ZBTB7A: variants seen among roughly 807,000 people sequenced by gnomAD.
ZBTB7A encodes the protein zinc finger and BTB domain containing 7A, also known as zinc finger and BTB domain-containing protein 7A.
ZBTB7A carries 7 observed loss-of-function variants against 26.7 expected under a neutral mutation model. The ratio of observed to expected loss-of-function variants is 0.26; its 90% CI spans 0.15 to 0.49. ZBTB7A has a LOEUF of 0.49. Among genes scored for constraint, ZBTB7A ranks in the 20% least tolerant of loss-of-function variants. The pLI is 0.98. For synonymous variants in ZBTB7A, 452 were observed against 441.0 expected, an observed-to-expected ratio of 1.02 and a Z score of -0.31; for missense variants, 617 against 919.5, an observed-to-expected ratio of 0.67 and a Z score of 4.25.
chr19:4,051,072 TGGGCGACAGA>T (rs2040499529), intron 2 of ZBTB7A, among the ~76,000 whole-genome samples: 1 of 114,652 alleles, frequency 8.7e-6, no homozygotes, highest in Admixed American at 1.3e-4. Context: ...CACTCCAGCC[TGGGCGACAGA>T]GCAAGACTCG....
intron 1 of ZBTB7A, among the ~76,000 whole-genome samples, chr19:4,065,112 C>G (rs976954023): frequency 1.3e-5 from 2 of 151,774 alleles, no homozygotes; most frequent in African/African-American, 4.8e-5. Context: ...CAGCTCCCCC[C>G]TCCCCTGCCC....
rs1010420730 is a variant in ZBTB7A, at chr19:4,047,598, G to A, written c.*154C>T. On this transcript the variant is annotated 3_prime_UTR_variant, in exon 3 of 3. Transcript: ENST00000322357. The stretch of plus-strand genomic sequence containing the variant: ...AGCGCTACCCTAGATTCTGTGACGC[G>A]TCATATATATATATCTGTATATATA... 5.2e-6 allele frequency: 3 copies of A among 581,404 alleles called. No homozygotes were observed. The highest frequency in any genetic ancestry group is 5.0e-6 in the Non-Finnish European group (2 of 399,952). The allele number at this position is 581,404 out of a possible 1,614,324, so 36.0% of individuals were successfully genotyped here.
At position 4,054,139 on chromosome 19, in the gene ZBTB7A, T is replaced by C; in HGVS notation, c.1094A>G (p.Tyr365Cys). The stretch of plus-strand genomic sequence containing the variant: ...CTCCACCTTCTGCGACCAGGCCGGG[T>C]AGACGTCGCCGTCGTGGGCGCCGCT... Reference protein sequence around the residue: ...YFSGAHDGDVYPAWSQKVEKK... With the variant: ...YFSGAHDGDVCPAWSQKVEKK... The change falls in exon 2 of 3, where the codon TAC (tyrosine) becomes TGC (cysteine). Residue 365 changes from tyrosine (Y) to cysteine (C), a missense_variant. Coordinates refer to ENST00000322357, the MANE Select transcript of ZBTB7A (RefSeq NM_015898.4). The C allele has an allele frequency of 6.2e-7, 1 of 1,605,272 alleles. No individual in the cohort carries two copies. Among genetic ancestry groups the C allele is most frequent in the Non-Finnish European group, 8.5e-7 (1 of 1,179,816 alleles).
Position 4,058,695 on chromosome 19 carries a change from C to T in ZBTB7A, c.-15-3448G>A, listed in dbSNP as rs1171888558. Among the ~76,000 whole-genome samples the T allele has an allele frequency of 3.3e-5, 5 of 151,206 alleles. No homozygotes were observed. In the East Asian group the frequency reaches 9.8e-4, roughly 30 times the overall value. On this transcript the variant is annotated intron_variant, in intron 1 of 2. Coordinates refer to ENST00000322357, the MANE Select transcript of ZBTB7A (RefSeq NM_015898.4). Reference sequence around the variant, plus strand: ...GCCACCAGACCCTCCTGTCCCCCAGCCCAGCAGCTCAGGCAGGCTCTGACG... The same window carrying T: ...GCCACCAGACCCTCCTGTCCCCCAGTCCAGCAGCTCAGGCAGGCTCTGACG...
At chr19:4,064,789 C>T (rs1249327607) in intron 1 of ZBTB7A, among the ~76,000 whole-genome samples, 2 of 152,184 alleles carry the variant, frequency 1.3e-5, no homozygotes, top group Non-Finnish European at 2.9e-5. Flanking sequence ...TCTGTGACTT[C>T]CGCCGCCTGA....
rs1362907744 is a variant in ZBTB7A at position 4,046,987 on chromosome 19, TGAAG to T, written c.*761_*764del. 6.6e-6 allele frequency: 1 copy of T among 151,378 alleles called. No homozygotes were observed. The highest frequency in any genetic ancestry group is 1.5e-5 in the Non-Finnish European group (1 of 67,848). 9.4% of individuals were successfully genotyped at this position (151,378 alleles called of 1,614,324 possible). A position where few individuals can be genotyped will look rare whatever the true frequency, so the allele number is the denominator to read the frequency against. On this transcript the variant is annotated 3_prime_UTR_variant, in exon 3 of 3. Transcript: ENST00000322357. ...GGGGTCCCGCCGGTTGTAAGTGCCG[TGAAG>T]GAAGGCGGCAGGAGCACCCCCAGGA... is the stretch of plus-strand genomic sequence containing the variant.
intron 1 of ZBTB7A, among the ~76,000 whole-genome samples, chr19:4,059,473 C>G (rs1249835705): frequency 6.6e-6 from 1 of 152,114 alleles, no homozygotes; most frequent in African/African-American, 2.4e-5. Context: ...CTCAAAGCAG[C>G]GAGGCCCGGG....
At position 4,047,439 on chromosome 19, in the gene ZBTB7A, T is replaced by C. The variant is rs2040434539; in HGVS notation, c.*313A>G. On this transcript the variant is annotated 3_prime_UTR_variant, in exon 3 of 3. Transcript: ENST00000322357. Reference sequence around the variant, plus strand: ...CCAGGGGGCTGTGCGGGGTCTCGGATTCCTTGTGTCCTACAAAAAACCCCA... The same window carrying C: ...CCAGGGGGCTGTGCGGGGTCTCGGACTCCTTGTGTCCTACAAAAAACCCCA... 6.2e-6 allele frequency: 1 copy of C among 161,400 alleles called. No individual in the cohort carries two copies. Among genetic ancestry groups the C allele is most frequent in the Non-Finnish European group, 1.3e-5 (1 of 74,108 alleles). The allele number at this position is 161,400 out of a possible 1,614,324, so 10.0% of individuals were successfully genotyped here. A position where few individuals can be genotyped will look rare whatever the true frequency, so the allele number is the denominator to read the frequency against.
chr19:4,062,794 C>T (rs1324586945), intron 1 of ZBTB7A: 1 of 152,292 alleles, frequency 6.6e-6, no homozygotes, highest in Admixed American at 6.5e-5. Flanking sequence ...CCCTCCAGCT[C>T]TCAAGACAGC....
Position 4,054,221 on chromosome 19 carries a change from C to A in ZBTB7A, c.1012G>T (p.Asp338Tyr). Residue 338 changes from aspartate to tyrosine, a missense_variant, in exon 2 of 3, where the codon GAC becomes TAC. By Grantham distance (160) the Asp-to-Tyr change is radical. Transcript: ENST00000322357. ...GRAGAAAGDS[D>Y]EESRADDKGV... The stretch of plus-strand genomic sequence containing the variant: ...TTGTCGTCGGCCCGCGACTCCTCGT[C>A]GCTGTCCCCCGCCGCGGCCCCCGCC... 6.3e-7 allele frequency: 1 copy of A among 1,584,108 alleles called. No individual in the cohort carries two copies. Among genetic ancestry groups the A allele is most frequent in the Non-Finnish European group, 8.5e-7 (1 of 1,171,696 alleles).
rs528570899 is a variant in ZBTB7A at position 4,059,165 on chromosome 19, T to A, written c.-15-3918A>T. On this transcript the variant is annotated intron_variant, in intron 1 of 2. Coordinates refer to ENST00000322357, the MANE Select transcript of ZBTB7A (RefSeq NM_015898.4). Reference sequence around the variant, plus strand: ...CCGGGCCCTCCTACCCACCCCAGCATGGGGGGAGACCTCTGACCCAGGCCA... The same window carrying A: ...CCGGGCCCTCCTACCCACCCCAGCAAGGGGGGAGACCTCTGACCCAGGCCA... Among the ~76,000 whole-genome samples, 3 of 152,054 alleles carry A rather than the reference T, an allele frequency of 2.0e-5. No individual in the cohort carries two copies. The East Asian group carries it at 5.8e-4, about 30-fold the overall frequency.
intron 1 of ZBTB7A, among the ~76,000 whole-genome samples, chr19:4,063,942 G>A (rs760836853): frequency 6.6e-6 from 1 of 152,186 alleles, no homozygotes; most frequent in Non-Finnish European, 1.5e-5. Flanking sequence ...ATATGGCAAC[G>A]GGGATCTGCC....
chr19:4,058,274 C>T (rs1397010688), intron 1 of ZBTB7A, among the ~76,000 whole-genome samples: 1 of 152,230 alleles, frequency 6.6e-6, no homozygotes, highest in African/African-American at 2.4e-5. Context: ...ACAGGACTGC[C>T]TGGCAGCCCC....
rs868175878 is a variant in ZBTB7A at position 4,044,756 on chromosome 19, A to G, written c.*2996T>C. ...AAAGAAAACACAAAAAACCCCAAAC[A>G]ACCAAACAAAAAAGCTTTGAGCTGT... On this transcript the variant is annotated 3_prime_UTR_variant, in exon 3 of 3. Transcript: ENST00000322357. The G allele has an allele frequency of 4.0e-5, 6 of 149,558 alleles. 1 individual carries two copies. In the Middle Eastern group the frequency reaches 0.017, roughly 433 times the overall value. The allele number at this position is 149,558 out of a possible 1,614,324, so 9.3% of individuals were successfully genotyped here.
chr19:4,048,868 G>A lies in ZBTB7A; in HGVS notation c.1263-624C>T, dbSNP rs1043495260. Among the ~76,000 whole-genome samples, 2 of 151,128 alleles carry A rather than the reference G, an allele frequency of 1.3e-5. No homozygotes were observed. The highest frequency in any genetic ancestry group is 4.9e-5 in the African/African-American group (2 of 41,102). ...TCCGTCTCAAAAAACAAATCTGCCA[G>A]GCGTGGTGGCGCAGGCCTATAATCC... On this transcript the variant is annotated intron_variant, in intron 2 of 2. Coordinates refer to ENST00000322357, the MANE Select transcript of ZBTB7A (RefSeq NM_015898.4). This position sits in a 1 kb window ranked among gnomAD's most constrained non-coding sequence, Gnocchi z 6.7.
In ZBTB7A at chr19:4,054,157, G is replaced by A; in HGVS notation, c.1076C>T (p.Ala359Val). The A allele has an allele frequency of 6.2e-7, 1 of 1,602,580 alleles. No individual in the cohort carries two copies. Among genetic ancestry groups the A allele is most frequent in the Non-Finnish European group, 8.5e-7 (1 of 1,179,660 alleles). ...GGCCGGGTAGACGTCGCCGTCGTGGGCGCCGCTGAAGTACTTCAGGTAGTA... is the reference window on the plus strand; with the variant it reads ...GGCCGGGTAGACGTCGCCGTCGTGGACGCCGCTGAAGTACTTCAGGTAGTA... ...MDYYLKYFSG[A>V]HDGDVYPAWS... Residue 359 changes from alanine (A) to valine (V), a missense_variant, in exon 2 of 3, where the codon GCC becomes GTC. Physicochemically the swap from Ala to Val is moderately conservative, Grantham distance 64. Around this residue, in one of 5 missense-constraint regions of ZBTB7A, gnomAD observed 331 missense variants for 391.3 expected, o/e 0.85. Transcript: ENST00000322357.
rs869154653 is a variant in ZBTB7A at position 4,048,683 on chromosome 19, C to CA, written c.1263-440dup. Among the ~76,000 whole-genome samples the CA allele has an allele frequency of 3.4e-4, 48 of 142,210 alleles. No individual in the cohort carries two copies. Among genetic ancestry groups the CA allele is most frequent in the African/African-American group, 1.1e-3 (40 of 36,464 alleles). 93.3% of individuals were successfully genotyped at this position (142,210 alleles called of 152,430 possible). ...CTGTCTCTACTAAAAAAACAAAAAACAAAAAAACAAAAAACAAAAATCAGC... is the reference window on the plus strand; with the variant it reads ...CTGTCTCTACTAAAAAAACAAAAAACAAAAAAAACAAAAAACAAAAATCAGC... On this transcript the variant is annotated intron_variant, in intron 2 of 2. Coordinates refer to ENST00000322357, the MANE Select transcript of ZBTB7A (RefSeq NM_015898.4). This position sits in a 1 kb window ranked among gnomAD's most constrained non-coding sequence, Gnocchi z 6.7.
rs888944483 is a variant in ZBTB7A at position 4,048,329 on chromosome 19, C to A, written c.1263-85G>T. The A allele has an allele frequency of 1.4e-6, 2 of 1,439,656 alleles. No homozygotes were observed. Among genetic ancestry groups the A allele is most frequent in the Non-Finnish European group, 1.8e-6 (2 of 1,103,846 alleles). The allele number at this position is 1,439,656 out of a possible 1,614,324, so 89.2% of individuals were successfully genotyped here. On this transcript the variant is annotated intron_variant, in intron 2 of 2. Coordinates refer to ENST00000322357, the MANE Select transcript of ZBTB7A (RefSeq NM_015898.4). This position sits in a 1 kb window ranked among gnomAD's most constrained non-coding sequence, Gnocchi z 6.7. ...CAGGGACCCTCACGGACACGGCAGG[C>A]CCTGGATCATCACCCTTGCAGAACA...
rs909780579 is a variant in ZBTB7A, at chr19:4,048,358, A to G, written c.1263-114T>C. 4 of 1,360,276 alleles carry G rather than the reference A, an allele frequency of 2.9e-6. No homozygotes were observed. In the Admixed American group the frequency reaches 1.5e-4, roughly 50 times the overall value. 84.3% of individuals were successfully genotyped at this position (1,360,276 alleles called of 1,614,324 possible). A position where few individuals can be genotyped will look rare whatever the true frequency, so the allele number is the denominator to read the frequency against. On this transcript the variant is annotated intron_variant, in intron 2 of 2. Transcript: ENST00000322357. The surrounding 1 kb of genome is among the most constrained non-coding windows in gnomAD (Gnocchi z 6.7). Reference sequence around the variant, plus strand: ...GGATCATCACCCTTGCAGAACACGGACCGTGCACCAGAGGTTTCGGTGCCC... The same window carrying G: ...GGATCATCACCCTTGCAGAACACGGGCCGTGCACCAGAGGTTTCGGTGCCC...
Sources: allele counts gnomAD v4.1 joint callset (sites outside exome capture counted in the v4.1 genomes callset), GRCh38; gene constraint gnomAD v4.1.1; regional missense constraint gnomAD v4.1.1; non-coding constraint Gnocchi (gnomAD v3.1); transcripts MANE v1.5; gene names NCBI Gene and HGNC (gene_info 2026-07-23, HGNC 2026-07-21).